FBXL18: variants seen among roughly 807,000 people sequenced by gnomAD.
The protein encoded by FBXL18 is F-box/LRR-repeat protein 18.
FBXL18 carries 36 observed loss-of-function variants against 46.0 expected under a neutral mutation model. That is an observed-to-expected ratio of 0.78 (90% CI 0.60 to 1.03). The LOEUF is 1.03. Among genes scored for constraint, FBXL18 ranks in the 50% least tolerant of loss-of-function variants. The probability of loss-of-function intolerance (pLI) is 0.00; values close to 1 mark genes in which losing one functional copy is unlikely to be tolerated. For missense variants in FBXL18, 977 were observed against 1,004.1 expected, an observed-to-expected ratio of 0.97 and a Z score of 0.36; for synonymous variants, 557 against 465.3, an observed-to-expected ratio of 1.20 and a Z score of -2.54.
In FBXL18 at chr7:5,513,787, AG is replaced by A. The variant is rs1784605131; in HGVS notation, c.-114del. ...CCACCGCTCAACCGAGACCCCGGCA[AG>A]GAGCGGGCTCTCGTCACTTCCGGCG... is the stretch of plus-strand genomic sequence containing the variant. On this transcript the variant is annotated 5_prime_UTR_variant, in exon 1 of 5. Transcript: ENST00000382368. 7.0e-6 allele frequency: 10 copies of A among 1,438,682 alleles called. No homozygotes were observed. The highest frequency in any genetic ancestry group is 8.4e-6 in the Non-Finnish European group (9 of 1,066,398). The allele number at this position is 1,438,682 out of a possible 1,614,324, so 89.1% of individuals were successfully genotyped here. A position where few individuals can be genotyped will look rare whatever the true frequency, so the allele number is the denominator to read the frequency against.
At chr7:5,495,966 GCCCACAAAA>G (rs750486453) in intron 3 of FBXL18, 20 of 454,264 alleles carry the variant, frequency 4.4e-5, no homozygotes, top group African/African-American at 1.4e-4. Flanking sequence ...TCTCAGGCTG[GCCCACAAAA>G]CCCACAAAAC....
At position 5,481,739 on chromosome 7, in the gene FBXL18, G is replaced by A. The variant is rs567287316; in HGVS notation, c.*36C>T. On this transcript the variant is annotated 3_prime_UTR_variant, in exon 5 of 5. Coordinates refer to ENST00000382368, the MANE Select transcript of FBXL18 (RefSeq NM_024963.6). ...GCGTCCCAGGCTCCTGCAGCTTCTCGAGGTGACTGAGACCGATGGGCGGCG... is the reference window on the plus strand; with the variant it reads ...GCGTCCCAGGCTCCTGCAGCTTCTCAAGGTGACTGAGACCGATGGGCGGCG... 98 of 1,609,076 alleles carry A rather than the reference G, an allele frequency of 6.1e-5. 1 individual carries two copies. The East Asian group carries it at 1.1e-3, about 18-fold the overall frequency.
chr7:5,499,316 T>C (rs1030340237), intron 3 of FBXL18, among the ~76,000 whole-genome samples: 5 of 146,992 alleles, frequency 3.4e-5, no homozygotes, highest in Middle Eastern at 3.4e-3. Context: ...CCACCTCCCA[T>C]TGTGCCCTGG....
chr7:5,485,058 A>G (rs1206904649), intron 4 of FBXL18, among the ~76,000 whole-genome samples: 1 of 152,198 alleles, frequency 6.6e-6, no homozygotes, highest in Non-Finnish European at 1.5e-5. Flanking sequence ...CTGCGATGAC[A>G]GGTGTGAGCC....
At chr7:5,507,266 C>A (rs62453396) in intron 1 of FBXL18, among the ~76,000 whole-genome samples, 3,824 of 152,226 alleles carry the variant, frequency 0.025, 78 homozygotes, top group Non-Finnish European at 0.037. Context: ...CTGCACACCC[C>A]ACACGGGTAT....
At chr7:5,509,542 AAT>A (rs555983419) in intron 1 of FBXL18, among the ~76,000 whole-genome samples, 2 of 151,844 alleles carry the variant, frequency 1.3e-5, no homozygotes, top group African/African-American at 4.8e-5. Flanking sequence ...AAAACACAAA[AAT>A]TAGCCAGGCG....
rs1379194544 is a variant in FBXL18, at chr7:5,478,130, G to A, written c.*3645C>T. 1 of 152,372 alleles carries A rather than the reference G, an allele frequency of 6.6e-6. No individual in the cohort carries two copies. The highest frequency in any genetic ancestry group is 6.5e-5 in the Admixed American group (1 of 15,288). The allele number at this position is 152,372 out of a possible 1,614,324, so 9.4% of individuals were successfully genotyped here. A position where few individuals can be genotyped will look rare whatever the true frequency, so the allele number is the denominator to read the frequency against. ...CTCAGCCCGTCCTGGCTGCCGTCCT[G>A]GGTCGAAGCAGCAAGTGTCTTCCCG... is the stretch of plus-strand genomic sequence containing the variant. On this transcript the variant is annotated 3_prime_UTR_variant, in exon 5 of 5. Transcript: ENST00000382368.
chr7:5,501,166 T>C lies in FBXL18; in HGVS notation c.1103A>G (p.Asp368Gly). 1 of 1,613,168 alleles carries C rather than the reference T, an allele frequency of 6.2e-7. No individual in the cohort carries two copies. The highest frequency in any genetic ancestry group is 8.5e-7 in the Non-Finnish European group (1 of 1,179,790). The change falls in exon 3 of 5, where the codon GAC (aspartate) becomes GGC (glycine). Residue 368 changes from aspartate (D) to glycine (G), a missense_variant. Transcript: ENST00000382368. ...SPDSLLRKAE[D>G]DIDSSILETL... ...CTCCAGGATGCTGCTGTCGATGTCG[T>C]CCTCCGCCTTGCGGAGCAGCGAGTC...
At chr7:5,504,261 C>G (rs1026285161) in intron 2 of FBXL18, among the ~76,000 whole-genome samples, 9 of 151,808 alleles carry the variant, frequency 5.9e-5, no homozygotes, top group Admixed American at 6.6e-5. Flanking sequence ...GAAACCCTGC[C>G]TCTGCTAAAA....
In FBXL18 at chr7:5,481,406, C is replaced by T. The variant is rs10253801; in HGVS notation, c.*369G>A. ...ACAAACACAACAGCCAAGGGACACG[C>T]TTCCCGGTCGGAAGTGGCAGGGGGT... On this transcript the variant is annotated 3_prime_UTR_variant, in exon 5 of 5. Coordinates refer to ENST00000382368, the MANE Select transcript of FBXL18 (RefSeq NM_024963.6). 0.013 allele frequency: 2,394 copies of T among 187,758 alleles called. 63 individuals carry two copies. Among genetic ancestry groups the T allele is most frequent in the African/African-American group, 0.054 (2,282 of 41,918 alleles). The allele number at this position is 187,758 out of a possible 1,614,324, so 11.6% of individuals were successfully genotyped here.
rs193102724 is a variant in FBXL18, at chr7:5,491,268, C to T, written c.1963G>A (p.Ala655Thr). ...MCHLFTGESLATCKSLQQSLL... is the reference protein window; with the variant it reads ...MCHLFTGESLTTCKSLQQSLL... ...GACTGCTGCAGGCTCTTGCAGGTGG[C>T]GAGGGACTCCCCGGTGAACAGGTGG... The change falls in exon 4 of 5, where the codon GCC becomes ACC. Residue 655 changes from alanine (A) to threonine (T), a missense_variant. Ala to Thr is a moderately conservative substitution (Grantham distance 58). Transcript: ENST00000382368. The T allele has an allele frequency of 6.4e-5, 104 of 1,613,084 alleles. 1 individual carries two copies. Among genetic ancestry groups the T allele is most frequent in the African/African-American group, 2.5e-4 (19 of 75,008 alleles).
At chr7:5,502,765 T>C (rs1222620873) in intron 2 of FBXL18, among the ~76,000 whole-genome samples, 1 of 150,636 alleles carries the variant, frequency 6.6e-6, no homozygotes, top group East Asian at 1.9e-4. Context: ...GAGGCAGAGG[T>C]TGCAGTGAGC....
chr7:5,462,497 G>A (rs1282608601), intron 4 of FBXL18, among the ~76,000 whole-genome samples: 1 of 152,050 alleles, frequency 6.6e-6, no homozygotes, highest in Non-Finnish European at 1.5e-5. Context: ...GGGAGGCCCC[G>A]GGCTGGGTCA....
chr7:5,490,138 C>G (rs745925533), intron 4 of FBXL18: 1 of 1,359,970 alleles, frequency 7.4e-7, no homozygotes, highest in Non-Finnish European at 9.8e-7. Flanking sequence ...CCCAGTGGCT[C>G]GAGACGTCCT....
chr7:5,511,781 A>G (rs185944550), intron 1 of FBXL18, among the ~76,000 whole-genome samples: 1,712 of 146,458 alleles, frequency 0.012, 99 homozygotes, highest in Admixed American at 0.11. Context: ...AAAAAAAAAA[A>G]GGATCTGAAA....
chr7:5,500,553 C>T lies in FBXL18; in HGVS notation c.1716G>A (p.Gly572=). ...AGAGCGCGGGCATGTACACCACCTT[C>T]CCCATCATGCCCAGGTTGGCCAGCG... The part of the protein sequence containing the change: ...SLSLANLGMM[G]KVVYMPALSD... Residue 572 remains glycine, a synonymous_variant, in exon 3 of 5, where the codon GGG becomes GGA. Transcript: ENST00000382368. The T allele has an allele frequency of 6.2e-7, 1 of 1,613,580 alleles. No homozygotes were observed.
rs1298248309 is a variant in FBXL18, at chr7:5,476,916, C to A, written c.*4859G>T. On this transcript the variant is annotated 3_prime_UTR_variant, in exon 5 of 5. Transcript: ENST00000382368. ...GTTTTTTTTTTTTTTGAGACGGAGT[C>A]TCACTCTGTCGCCCAGGCTGGAATG... 6.7e-6 allele frequency: 1 copy of A among 150,196 alleles called. No homozygotes were observed. Among genetic ancestry groups the A allele is most frequent in the African/African-American group, 2.5e-5 (1 of 40,654 alleles). 9.3% of individuals were successfully genotyped at this position (150,196 alleles called of 1,614,324 possible).
At position 5,501,321 on chromosome 7, in the gene FBXL18, C is replaced by A. The variant is rs762477603; in HGVS notation, c.948G>T (p.Pro316=). The stretch of plus-strand genomic sequence containing the variant: ...TACAGCGGCTGAAACTGAAGTAGAA[C>A]GGGTTGTTGAATTTCATGTGCTGCA... ...SLLQHMKFNN[P]FYFSFSRCTL... The change falls in exon 3 of 5, where the codon CCG becomes CCT. Residue 316 remains proline, a synonymous_variant. Transcript: ENST00000382368. 6.2e-7 allele frequency: 1 copy of A among 1,614,026 alleles called. No individual in the cohort carries two copies. Among genetic ancestry groups the A allele is most frequent in the Non-Finnish European group, 8.5e-7 (1 of 1,180,032 alleles).
chr7:5,502,330 T>G (rs901145140), intron 2 of FBXL18, among the ~76,000 whole-genome samples: 20 of 144,778 alleles, frequency 1.4e-4, no homozygotes, highest in South Asian at 6.7e-4. Context: ...AGGTCAGGAG[T>G]TCGAGACCAG....
Sources: allele counts gnomAD v4.1 joint callset (sites outside exome capture counted in the v4.1 genomes callset), GRCh38; gene constraint gnomAD v4.1.1; transcripts MANE v1.5; gene names NCBI Gene and HGNC (gene_info 2026-07-23, HGNC 2026-07-21).